Variants in SORBS2 observed in about 807,000 individuals in gnomAD.
SORBS2 encodes the protein sorbin and SH3 domain containing 2.
Under a neutral mutation model 97.7 loss-of-function variants are expected in SORBS2, and 46 were observed. The observed-to-expected ratio is 0.47, with a 90% CI of 0.37 to 0.60. SORBS2 has a LOEUF of 0.60. Ranked by LOEUF, SORBS2 falls within the 20% of genes least tolerant of loss-of-function variation. The pLI, the probability that SORBS2 is intolerant of heterozygous loss-of-function variation, is 0.00. For missense variants in SORBS2, 1,316 were observed against 1,282.3 expected (o/e 1.03, Z -0.40); for synonymous variants, 476 against 473.4 (o/e 1.01, Z -0.07).
chr4:185,956,337 C>T (rs1233836547), exon 1 of SORBS2: 1 of 152,246 alleles, frequency 6.6e-6, no homozygotes, highest in Non-Finnish European at 1.5e-5. Context: ...GCATTTACGG[C>T]ATGTACGTGG....
chr4:185,916,739 G>A lies in SORBS2; in HGVS notation c.-338+39457C>T, dbSNP rs527399997. 6.6e-5 allele frequency among the ~76,000 whole-genome samples: 10 copies of A among 152,274 alleles called. No individual in the cohort carries two copies. In the South Asian group the frequency reaches 1.2e-3, roughly 19 times the overall value. ...TGGCACCTGGTCTGTAGAGGAGAGC[G>A]ATGCTATTAAACATGCTACAGTGCA... On this transcript the variant is annotated intron_variant, in intron 1 of 20. Coordinates refer to the SORBS2 transcript ENST00000284776.
chr4:185,881,417 G>C (rs1396508545), intron 1 of SORBS2, among the ~76,000 whole-genome samples: 1 of 152,160 alleles, frequency 6.6e-6, no homozygotes, highest in Non-Finnish European at 1.5e-5. Flanking sequence ...TCCAGGAAAA[G>C]TGGGTACAGA....
At chr4:185,726,790 C>T (rs962506073) in intron 2 of SORBS2, among the ~76,000 whole-genome samples, 6 of 151,874 alleles carry the variant, frequency 4.0e-5, no homozygotes, top group African/African-American at 1.5e-4. Context: ...GAAAAATAGA[C>T]ACAAATATAG....
At chr4:185,734,266 T>G (rs1426277551) in intron 2 of SORBS2, 112 bp from the exon 3 acceptor site, 2 of 152,334 alleles carry the variant, frequency 1.3e-5, no homozygotes, top group African/African-American at 4.8e-5. Flanking sequence ...TCATATATTC[T>G]TTTCTTTACA....
intron 2 of SORBS2, among the ~76,000 whole-genome samples, chr4:185,752,444 T>G (rs2098806661): frequency 6.6e-6 from 1 of 151,976 alleles, no homozygotes; most frequent in Admixed American, 6.6e-5. Context: ...CCCAGCTAAT[T>G]TTTTGTATTT....
At chr4:185,589,806 G>A (rs752403238) in intron 13 of SORBS2, 21 bp from the exon 26 acceptor site, 17 of 1,365,192 alleles carry the variant, frequency 1.2e-5, no homozygotes, top group Admixed American at 1.0e-4. Flanking sequence ...ACAAGGGAAT[G>A]TGTTTAAAAA....
At chr4:185,767,416 C>G (rs1420444214) in intron 2 of SORBS2, among the ~76,000 whole-genome samples, 1 of 135,642 alleles carries the variant, frequency 7.4e-6, no homozygotes, top group South Asian at 2.5e-4. Context: ...AGGGGAATGG[C>G]GTGAACCCGG....
At chr4:185,777,138 T>C (rs1388488792) in intron 1 of SORBS2, among the ~76,000 whole-genome samples, 1 of 152,238 alleles carries the variant, frequency 6.6e-6, no homozygotes, top group Non-Finnish European at 1.5e-5. Context: ...ATATTAAAAC[T>C]GTATTTCAAA....
chr4:185,868,460 G>C (rs1034018409), intron 1 of SORBS2, among the ~76,000 whole-genome samples: 1 of 150,774 alleles, frequency 6.6e-6, no homozygotes, highest in Admixed American at 6.6e-5. Flanking sequence ...CCAGCCGAAA[G>C]CTTCTACTTT....
In SORBS2 at chr4:185,626,933, G is replaced by A. The variant is rs149162865; in HGVS notation, c.533C>T (p.Ala178Val). The A allele has an allele frequency of 1.3e-4, 211 of 1,614,134 alleles. No homozygotes were observed. The highest frequency in any genetic ancestry group is 1.6e-4 in the East Asian group (7 of 44,880). The change falls in exon 6 of 15, where the codon GCG becomes GTG. Residue 178 changes from alanine (A) to valine (V), a missense_variant. Ala to Val is a moderately conservative substitution (Grantham distance 64, BLOSUM62 0). Transcript: ENST00000418609. Reference sequence around the variant, plus strand: ...CACTCGGCCTGGGCTAGTCCTGCTCGCACTTTGATCTCCCAAGCCCCGTGG... The same window carrying A: ...CACTCGGCCTGGGCTAGTCCTGCTCACACTTTGATCTCCCAAGCCCCGTGG...
chr4:185,732,924 C>G (rs13135196), intron 2 of SORBS2, among the ~76,000 whole-genome samples: 1 of 151,902 alleles, frequency 6.6e-6, no homozygotes, highest in Non-Finnish European at 1.5e-5. Context: ...AAGAACATTG[C>G]GAGACAATGC....
chr4:185,850,962 C>T (rs1027081112), intron 1 of SORBS2, among the ~76,000 whole-genome samples: 4 of 152,120 alleles, frequency 2.6e-5, no homozygotes, highest in Non-Finnish European at 4.4e-5. Flanking sequence ...ATCTATCTCC[C>T]GCCCTCAGAT....
intron 4 of SORBS2, among the ~76,000 whole-genome samples, chr4:185,644,777 T>C (rs543655382): frequency 6.6e-6 from 1 of 152,356 alleles, no homozygotes; most frequent in South Asian, 2.1e-4. Context: ...TTATTATTGC[T>C]ATTGTAAAAC....
chr4:185,933,189 G>A (rs889015235), intron 1 of SORBS2: 8 of 152,176 alleles, frequency 5.3e-5, no homozygotes, highest in Admixed American at 2.0e-4. Flanking sequence ...AAGGCAGTAC[G>A]GTGCTCATGG....
intron 2 of SORBS2, among the ~76,000 whole-genome samples, chr4:185,716,727 C>T (rs1287459136): frequency 2.0e-5 from 3 of 152,150 alleles, no homozygotes; most frequent in African/African-American, 7.2e-5. Context: ...GTGCTTTAGG[C>T]TCCAGGAGCA....
chr4:185,810,773 G>A (rs1017143716), intron 1 of SORBS2: 1 of 152,152 alleles, frequency 6.6e-6, no homozygotes, highest in Non-Finnish European at 1.5e-5. Context: ...CCTGCAATTC[G>A]GGGTCTGTGC....
intron 2 of SORBS2, among the ~76,000 whole-genome samples, chr4:185,692,732 A>G (rs529058606): frequency 6.6e-6 from 1 of 152,310 alleles, no homozygotes; most frequent in Non-Finnish European, 1.5e-5. Flanking sequence ...TATAATTATA[A>G]AGCAAGATTT....
intron 1 of SORBS2, among the ~76,000 whole-genome samples, chr4:185,838,787 AAGTAAC>A (rs951525243): frequency 1.8e-4 from 28 of 152,246 alleles, no homozygotes; most frequent in African/African-American, 6.7e-4. Flanking sequence ...AGTCCTAGTT[AAGTAAC>A]AGTAACAATC....
At chr4:185,590,765 A>G (rs2095907613) in intron 13 of SORBS2, among the ~76,000 whole-genome samples, 1 of 152,198 alleles carries the variant, frequency 6.6e-6, no homozygotes, top group Admixed American at 6.5e-5. Context: ...TTGGAAAATG[A>G]AGGCGAAATT....
Sources: gnomAD v4.1 joint callset for allele counts (sites outside exome capture counted in the v4.1 genomes callset) on GRCh38, gnomAD v4.1.1 for gene constraint, MANE v1.5 for transcripts, NCBI Gene and HGNC (gene_info 2026-07-23, HGNC 2026-07-21) for gene names.